The following NFAT5 variants were observed in gnomAD, a reference collection of about 807,000 sequenced individuals.
NFAT5 encodes the protein nuclear factor of activated T cells 5.
NFAT5 carries 31 observed loss-of-function variants against 166.5 expected under a neutral mutation model. The ratio of observed to expected loss-of-function variants is 0.19; its 90% CI spans 0.14 to 0.25. NFAT5 has a LOEUF of 0.25. Ranked by LOEUF, NFAT5 falls within the 10% of genes least tolerant of loss-of-function variation. NFAT5 has a pLI of 1.00. For missense variants in NFAT5, 1,449 were observed against 1,821.8 expected (o/e 0.80, Z 3.72); for synonymous variants, 612 against 639.7 (o/e 0.96, Z 0.65).
chr16:69,572,469 C>A (rs1412721396), intron 2 of NFAT5, among the ~76,000 whole-genome samples: 1 of 151,706 alleles, frequency 6.6e-6, no homozygotes, highest in African/African-American at 2.4e-5. Context: ...AAATTGTTTG[C>A]CATTAGTAAG....
chr16:69,691,148 C>A, intron 12 of NFAT5, 60 bp downstream of exon 12: 1 of 1,371,552 alleles, frequency 7.3e-7, no homozygotes, highest in East Asian at 2.6e-5. Flanking sequence ...TTTTACTTTT[C>A]CTATTTTTTT....
In NFAT5 at chr16:69,629,768, A is replaced by ATT. The variant is rs761809860; in HGVS notation, c.253+3262_253+3263dup. On this transcript the variant is annotated intron_variant, in intron 3 of 14. Coordinates refer to ENST00000349945, the MANE Select transcript of NFAT5 (RefSeq NM_138713.4). ...AAGTGCACACTACCACACTGGGCTA[A>ATT]TTTTTTTTTTTTTTTTTTTTTTTAA... is the stretch of plus-strand genomic sequence containing the variant. 7.9e-3 allele frequency among the ~76,000 whole-genome samples: 880 copies of ATT among 111,688 alleles called. 13 individuals are homozygous for ATT. Among genetic ancestry groups the ATT allele is most frequent in the Middle Eastern group, 0.015 (3 of 194 alleles). The allele number at this position is 111,688 out of a possible 152,430, so 73.3% of individuals were successfully genotyped here.
At chr16:69,625,961 AT>A (rs1409980824) in intron 2 of NFAT5, among the ~76,000 whole-genome samples, 246 of 145,996 alleles carry the variant, frequency 1.7e-3, no homozygotes, top group Non-Finnish European at 2.3e-3. Flanking sequence ...AAATAAAAAA[AT>A]TTTTTTTTTT....
rs756935615 is a variant in NFAT5, at chr16:69,626,522, G to A, written c.247G>A (p.Ala83Thr). 3 of 1,558,182 alleles carry A rather than the reference G, an allele frequency of 1.9e-6. No individual in the cohort carries two copies. The change falls in exon 3 of 15, where the codon GCT (alanine) becomes ACT (threonine). Residue 83 changes from alanine (A) to threonine (T), a missense_variant. Transcript: ENST00000349945. ...AGGCTCGCCTCCTCCAGCTGTTGTT[G>A]CTGCTGGTATGCATTTCATTTTACT... is the stretch of plus-strand genomic sequence containing the variant. The part of the protein sequence containing the change: ...EAGSPPPAVV[A>T]ADASSAPSSS...
chr16:69,682,135 T>G (rs1467684377), intron 10 of NFAT5, among the ~76,000 whole-genome samples: 2 of 151,976 alleles, frequency 1.3e-5, no homozygotes, highest in East Asian at 3.9e-4. Flanking sequence ...TCATAAAACC[T>G]TTGTATTATT....
In NFAT5 at chr16:69,635,291, G is replaced by A. The variant is rs138254942; in HGVS notation, c.253+8763G>A. On this transcript the variant is annotated intron_variant, in intron 3 of 14. Transcript: ENST00000349945. ...CTCCCAAAGTGCTGGTATTACAGGC[G>A]TGAGCCACCATGCCTGGCCATTAGT... is the stretch of plus-strand genomic sequence containing the variant. Among the ~76,000 whole-genome samples the A allele has an allele frequency of 1.9e-3, 295 of 152,034 alleles. 3 individuals are homozygous for A. Among genetic ancestry groups the A allele is most frequent in the African/African-American group, 6.5e-3 (271 of 41,470 alleles).
intron 2 of NFAT5, among the ~76,000 whole-genome samples, chr16:69,601,506 T>C (rs1479876211): frequency 3.3e-5 from 5 of 152,160 alleles, no homozygotes; most frequent in Admixed American, 1.3e-4. Context: ...TGGCTAGGAC[T>C]ATAGGTGTGC....
rs543378981 is a variant in NFAT5, at chr16:69,585,535, A to G, written c.127+16987A>G. ...ATACTAATGCACTAATGTTCCTAGC[A>G]GCATTATTTACAATAGCCAAAAGAA... On this transcript the variant is annotated intron_variant, in intron 2 of 14. Transcript: ENST00000349945. Among the ~76,000 whole-genome samples the G allele has an allele frequency of 9.1e-4, 139 of 152,340 alleles. 1 individual carries two copies. The highest frequency in any genetic ancestry group is 3.1e-3 in the African/African-American group (127 of 41,576).
At chr16:69,582,015 A>C (rs2031730882) in intron 2 of NFAT5, among the ~76,000 whole-genome samples, 1 of 152,178 alleles carries the variant, frequency 6.6e-6, no homozygotes. Context: ...CTGTAATCCC[A>C]GCACTTTGTG....
intron 7 of NFAT5, among the ~76,000 whole-genome samples, chr16:69,661,740 G>A (rs72783110): frequency 0.1 from 15,874 of 151,832 alleles, 1,051 homozygotes; most frequent in Non-Finnish European, 0.14. Flanking sequence ...AAACAAAAAG[G>A]CATGCCAATT....
intron 2 of NFAT5, among the ~76,000 whole-genome samples, chr16:69,591,496 T>C (rs2032457417): frequency 6.6e-6 from 1 of 152,188 alleles, no homozygotes; most frequent in Non-Finnish European, 1.5e-5. Flanking sequence ...GTTTTAAACT[T>C]TGCTAGTTTT....
At chr16:69,608,822 G>A (rs1013779371) in intron 2 of NFAT5, among the ~76,000 whole-genome samples, 8 of 149,690 alleles carry the variant, frequency 5.3e-5, no homozygotes, top group African/African-American at 1.7e-4. Flanking sequence ...CCTCTAGGTT[G>A]AAGAATTTAG....
chr16:69,604,586 A>AT (rs1369089240), intron 2 of NFAT5, among the ~76,000 whole-genome samples: 2 of 152,036 alleles, frequency 1.3e-5, no homozygotes, highest in Non-Finnish European at 2.9e-5. Context: ...TTTTTTAAAA[A>AT]TTTTTTATTG....
chr16:69,653,771 C>A (rs900181389), intron 5 of NFAT5, among the ~76,000 whole-genome samples: 1 of 152,006 alleles, frequency 6.6e-6, no homozygotes, highest in Non-Finnish European at 1.5e-5. Context: ...GCAGTTTCAC[C>A]ATGTTGGCGA....
At chr16:69,607,760 A>G (rs2033492184) in intron 2 of NFAT5, among the ~76,000 whole-genome samples, 2 of 152,046 alleles carry the variant, frequency 1.3e-5, no homozygotes, top group African/African-American at 4.8e-5. Flanking sequence ...TGGTCTTCTC[A>G]TTTTCTATTT....
At position 69,701,673 on chromosome 16, in the gene NFAT5, G is replaced by C. The variant is rs934640820; in HGVS notation, c.*5322G>C. The C allele has an allele frequency of 9.2e-5, 14 of 152,226 alleles. No individual in the cohort carries two copies. The highest frequency in any genetic ancestry group is 8.5e-4 in the Admixed American group (13 of 15,282). 9.4% of individuals were successfully genotyped at this position (152,226 alleles called of 1,614,324 possible). ...TACTCATGAGAATTTTAGCATCTGT[G>C]AAACTCCATGCACCAGATGTGTGTA... On this transcript the variant is annotated 3_prime_UTR_variant, in exon 15 of 15. Coordinates refer to ENST00000349945, the MANE Select transcript of NFAT5 (RefSeq NM_138713.4).
At chr16:69,666,427 A>G (rs2151662486) in intron 7 of NFAT5, among the ~76,000 whole-genome samples, 2 of 151,378 alleles carry the variant, frequency 1.3e-5, no homozygotes, top group South Asian at 4.1e-4. Flanking sequence ...CTCATCTGAC[A>G]AAGGGCTAAT....
intron 2 of NFAT5, among the ~76,000 whole-genome samples, chr16:69,601,196 A>G (rs537583519): frequency 6.6e-6 from 1 of 152,272 alleles, no homozygotes; most frequent in South Asian, 2.1e-4. Flanking sequence ...ATATCTAGAT[A>G]TGACCACTGT....
intron 2 of NFAT5, among the ~76,000 whole-genome samples, chr16:69,581,881 C>A (rs1488551853): frequency 1.3e-5 from 2 of 152,078 alleles, no homozygotes; most frequent in Non-Finnish European, 2.9e-5. Context: ...TATGCATTAA[C>A]TTTTTTTGGT....
Sources: gnomAD v4.1 joint callset for allele counts (sites outside exome capture counted in the v4.1 genomes callset) on GRCh38, gnomAD v4.1.1 for gene constraint, MANE v1.5 for transcripts, NCBI Gene and HGNC (gene_info 2026-07-23, HGNC 2026-07-21) for gene names.